The following ACOX3 variants were observed in gnomAD, a reference collection of about 807,000 sequenced individuals.
The protein encoded by ACOX3 is acyl-CoA oxidase 3, pristanoyl, also known as peroxisomal acyl-coenzyme A oxidase 3.
ACOX3 carries 73 observed loss-of-function variants against 81.5 expected under a neutral mutation model. The observed-to-expected ratio is 0.90, with a 90% confidence interval of 0.74 to 1.09. The LOEUF (loss-of-function observed/expected upper bound fraction) is 1.09. ACOX3 is among the 50% of genes least tolerant of loss of function. The pLI is 0.00. For missense variants in ACOX3, 947 were observed against 928.0 expected (o/e 1.02, Z -0.27); for synonymous variants, 387 against 375.1 (o/e 1.03, Z -0.37).
At position 8,414,346 on chromosome 4, in the gene ACOX3, G is replaced by A. The variant is rs200580707; in HGVS notation, c.489C>T (p.His163=). 174 of 1,614,180 alleles carry A rather than the reference G, an allele frequency of 1.1e-4. No homozygotes were observed. Among genetic ancestry groups the A allele is most frequent in the Middle Eastern group, 1.6e-4 (1 of 6,062 alleles). ...FGCFALTELS[H]GSNTKAIRTT... ...TGCGAATGGCCTTGGTATTACTGCC[G>A]TGGCTTAATTCGGTCAGAGCAAAAC... is the stretch of plus-strand genomic sequence containing the variant. The change falls in exon 5 of 18, where the codon CAC becomes CAT. Residue 163 remains histidine, a synonymous_variant. Coordinates refer to ENST00000356406, the MANE Select transcript of ACOX3 (RefSeq NM_003501.3). The surrounding 1 kb of genome is among the most constrained non-coding windows in gnomAD (Gnocchi z 6.1).
intron 6 of ACOX3, among the ~76,000 whole-genome samples, chr4:8,408,121 G>A (rs1042726717): frequency 6.6e-6 from 1 of 152,176 alleles, no homozygotes; most frequent in Non-Finnish European, 1.5e-5. Flanking sequence ...TTCTGTTTAT[G>A]TCTGTCAATT....
intron 9 of ACOX3, among the ~76,000 whole-genome samples, chr4:8,396,536 G>C (rs1719706895): frequency 6.6e-6 from 1 of 152,052 alleles, no homozygotes; most frequent in Admixed American, 6.6e-5. Context: ...AATTAGCCGG[G>C]CATGGTGGTG....
At position 8,406,806 on chromosome 4, in the gene ACOX3, G is replaced by C. The variant is rs1721020630; in HGVS notation, c.688-763C>G. Among the ~76,000 whole-genome samples the C allele has an allele frequency of 6.6e-6, 1 of 152,226 alleles. No individual in the cohort carries two copies. Among genetic ancestry groups the C allele is most frequent in the African/African-American group, 2.4e-5 (1 of 41,462 alleles). On this transcript the variant is annotated intron_variant, in intron 6 of 17. Coordinates refer to ENST00000356406, the MANE Select transcript of ACOX3 (RefSeq NM_003501.3). This position sits in a 1 kb window ranked among gnomAD's most constrained non-coding sequence, Gnocchi z 5.6. ...TACTGCTATCTAGAAGGCAGAGCCAGGTGTACAGGATGGAACATGAAGGTG... is the reference window on the plus strand; with the variant it reads ...TACTGCTATCTAGAAGGCAGAGCCACGTGTACAGGATGGAACATGAAGGTG...
At chr4:8,375,243 G>T in intron 14 of ACOX3, 91 bp from the exon 15 acceptor site, 11 of 1,309,852 alleles carry the variant, frequency 8.4e-6, no homozygotes, top group Non-Finnish European at 1.0e-5. Context: ...CACGAACGCG[G>T]GTCTGCGTTC....
chr4:8,390,938 C>T (rs1718909906), intron 11 of ACOX3, among the ~76,000 whole-genome samples: 1 of 152,148 alleles, frequency 6.6e-6, no homozygotes, highest in Admixed American at 6.5e-5. Flanking sequence ...TCAGCAGAAA[C>T]ATTTGCAATT....
At chr4:8,440,014 TAAC>T (rs1228389272) in intron 1 of ACOX3, among the ~76,000 whole-genome samples, 3 of 152,028 alleles carry the variant, frequency 2.0e-5, no homozygotes, top group African/African-American at 4.8e-5. Context: ...ATAATAATAA[TAAC>T]ATCAACCCCC....
At chr4:8,429,001 A>G (rs1180060275) in intron 1 of ACOX3, among the ~76,000 whole-genome samples, 1 of 152,154 alleles carries the variant, frequency 6.6e-6, no homozygotes, top group East Asian at 1.9e-4. Context: ...CAGAGCAGCA[A>G]CCAGCTCAAT....
chr4:8,408,181 C>T (rs1721227331), intron 6 of ACOX3, among the ~76,000 whole-genome samples: 1 of 151,500 alleles, frequency 6.6e-6, no homozygotes, highest in African/African-American at 2.4e-5. Flanking sequence ...TCAAAAAGGG[C>T]TAAAACCCAA....
chr4:8,373,343 T>C (rs916309352), intron 16 of ACOX3, among the ~76,000 whole-genome samples: 2 of 151,846 alleles, frequency 1.3e-5, no homozygotes, highest in Admixed American at 6.6e-5. Flanking sequence ...TGGGTGACGC[T>C]AAGGCGGTGT....
rs943906673 is a variant in ACOX3, at chr4:8,375,061, G to A, written c.1745C>T (p.Pro582Leu). The A allele has an allele frequency of 3.9e-6, 6 of 1,554,654 alleles. No individual in the cohort carries two copies. The African/African-American group carries it at 8.1e-5, about 21-fold the overall frequency. Residue 582 changes from proline (P) to leucine (L), a missense_variant, in exon 15 of 18, where the codon CCC (proline) becomes CTC (leucine). Physicochemically the swap from Pro to Leu is moderately conservative, Grantham distance 98. Coordinates refer to ENST00000356406, the MANE Select transcript of ACOX3 (RefSeq NM_003501.3). ...CCGCCCCAGCACGGCCCGCAGCGAG[G>A]GCGGCACGGAAGGCTGGTGCACGTG... is the stretch of plus-strand genomic sequence containing the variant. ...HEHVHQPSVP[P>L]SLRAVLGRLS... is the part of the protein sequence containing the mutation.
rs146682207 is a variant in ACOX3 at position 8,414,495 on chromosome 4, A to G, written c.454-114T>C. 9.3e-6 allele frequency: 9 copies of G among 968,956 alleles called. No homozygotes were observed. The African/African-American group carries it at 1.1e-4, about 12-fold the overall frequency. The allele number at this position is 968,956 out of a possible 1,614,324, so 60.0% of individuals were successfully genotyped here. On this transcript the variant is annotated intron_variant, in intron 4 of 17. Coordinates refer to ENST00000356406, the MANE Select transcript of ACOX3 (RefSeq NM_003501.3). This position sits in a 1 kb window ranked among gnomAD's most constrained non-coding sequence, Gnocchi z 6.1. ...GATGAAACCACATATCAAAGCCCCAAATTTCCATCTACCCAACTAGTGACT... is the reference window on the plus strand; with the variant it reads ...GATGAAACCACATATCAAAGCCCCAGATTTCCATCTACCCAACTAGTGACT...
rs1005216468 is a variant in ACOX3, at chr4:8,370,735, G to A, written c.1983+173C>T. Reference sequence around the variant, plus strand: ...CCTGCAACCACAGAGCCAGCATGGGGAAGCACCAGAGTGAGACAGTCCTGA... The same window carrying A: ...CCTGCAACCACAGAGCCAGCATGGGAAAGCACCAGAGTGAGACAGTCCTGA... On this transcript the variant is annotated intron_variant, in intron 17 of 17. Coordinates refer to ENST00000356406, the MANE Select transcript of ACOX3 (RefSeq NM_003501.3). This position sits in a 1 kb window ranked among gnomAD's most constrained non-coding sequence, Gnocchi z 6.3. 6.6e-6 allele frequency among the ~76,000 whole-genome samples: 1 copy of A among 152,158 alleles called. No homozygotes were observed. The highest frequency in any genetic ancestry group is 1.5e-5 in the Non-Finnish European group (1 of 68,014).
intron 1 of ACOX3, among the ~76,000 whole-genome samples, chr4:8,434,876 A>G (rs566134239): frequency 6.6e-6 from 1 of 152,310 alleles, no homozygotes; most frequent in East Asian, 1.9e-4. Flanking sequence ...TCCTTGACAA[A>G]CAGGTGTGCC....
chr4:8,406,824 T>C lies in ACOX3; in HGVS notation c.688-781A>G, dbSNP rs1011660766. On this transcript the variant is annotated intron_variant, in intron 6 of 17. Coordinates refer to ENST00000356406, the MANE Select transcript of ACOX3 (RefSeq NM_003501.3). The surrounding 1 kb of genome is among the most constrained non-coding windows in gnomAD (Gnocchi z 5.6). ...AGAGCCAGGTGTACAGGATGGAACA[T>C]GAAGGTGGACTAGGAGCGTGACCAC... is the stretch of plus-strand genomic sequence containing the variant. Among the ~76,000 whole-genome samples the C allele has an allele frequency of 2.0e-5, 3 of 152,162 alleles. No homozygotes were observed. The highest frequency in any genetic ancestry group is 4.4e-5 in the Non-Finnish European group (3 of 68,022).
In ACOX3 at chr4:8,397,693, T is replaced by C. The variant is rs373058253; in HGVS notation, c.874-574A>G. 1.1e-4 allele frequency among the ~76,000 whole-genome samples: 16 copies of C among 152,332 alleles called. No homozygotes were observed. In the East Asian group the frequency reaches 2.9e-3, roughly 28 times the overall value. ...GCCTGTCCAGGCTGCGGTGGGCACATCTAATCTACAGCCCTTGCCACGTGA... is the reference window on the plus strand; with the variant it reads ...GCCTGTCCAGGCTGCGGTGGGCACACCTAATCTACAGCCCTTGCCACGTGA... On this transcript the variant is annotated intron_variant, in intron 8 of 17. Coordinates refer to ENST00000356406, the MANE Select transcript of ACOX3 (RefSeq NM_003501.3).
At chr4:8,438,192 C>T (rs1724365050) in intron 1 of ACOX3, among the ~76,000 whole-genome samples, 1 of 152,152 alleles carries the variant, frequency 6.6e-6, no homozygotes, top group South Asian at 2.1e-4. Context: ...CAAGAAGTGA[C>T]TAAAGTATTG....
In ACOX3 at chr4:8,399,652, ACTGTGGGGAAGCAG is replaced by A. The variant is rs1158708936; in HGVS notation, c.777-14_777-1del. 9 of 1,613,834 alleles carry A rather than the reference ACTGTGGGGAAGCAG, an allele frequency of 5.6e-6. No homozygotes were observed. Among genetic ancestry groups the A allele is most frequent in the Non-Finnish European group, 6.8e-6 (8 of 1,179,728 alleles). On this transcript the variant is annotated splice_acceptor_variant and splice_polypyrimidine_tract_variant and intron_variant, in intron 7 of 17. Transcript: ENST00000356406. LOFTEE classifies it high-confidence loss of function. The surrounding 1 kb of genome is among the most constrained non-coding windows in gnomAD (Gnocchi z 4.9). ...CTCTGACCTTGTGGAACATGGCGAA[ACTGTGGGGAAGCAG>A]CAGGGCTTCTGTTAAACAGGGGTCC...
Position 8,384,275 on chromosome 4 carries a change from T to C in ACOX3, c.1538-2668A>G, listed in dbSNP as rs1289627965. On this transcript the variant is annotated intron_variant, in intron 13 of 17. Transcript: ENST00000356406. The surrounding 1 kb of genome is among the most constrained non-coding windows in gnomAD (Gnocchi z 5.3). ...TCTTGGTTTTTCGTGAAAAAATAAA[T>C]CATGTCAGTCTGATGTGTTCATGTG... Among the ~76,000 whole-genome samples the C allele has an allele frequency of 6.6e-6, 1 of 152,168 alleles. No individual in the cohort carries two copies. The highest frequency in any genetic ancestry group is 1.5e-5 in the Non-Finnish European group (1 of 68,028).
At chr4:8,376,333 T>G (rs1716956039) in intron 14 of ACOX3, among the ~76,000 whole-genome samples, 1 of 136,532 alleles carries the variant, frequency 7.3e-6, no homozygotes, top group Non-Finnish European at 1.5e-5. Context: ...GATGAGCAGG[T>G]GCTACTTTTA....
Sources: gnomAD v4.1 joint callset for allele counts (sites outside exome capture counted in the v4.1 genomes callset) on GRCh38, gnomAD v4.1.1 for gene constraint, Gnocchi (gnomAD v3.1) non-coding constraint, MANE v1.5 for transcripts, NCBI Gene and HGNC (gene_info 2026-07-23, HGNC 2026-07-21) for gene names.